The following AKT2 variants were observed in gnomAD, a reference collection of about 807,000 sequenced individuals.
The protein encoded by AKT2 is RAC-beta serine/threonine-protein kinase.
A neutral mutation model predicts 58.6 loss-of-function variants in AKT2; 16 were observed. The observed-to-expected ratio is 0.27, with a 90% CI of 0.18 to 0.41. The LOEUF (loss-of-function observed/expected upper bound fraction) is 0.41. Ranked by LOEUF, AKT2 falls within the 10% of genes least tolerant of loss-of-function variation. The pLI is 1.00. For missense variants in AKT2, 438 were observed against 661.0 expected, an observed-to-expected ratio of 0.66 and a Z score of 3.70; for synonymous variants, 253 against 254.0, an observed-to-expected ratio of 1.00 and a Z score of 0.04.
At chr19:40,240,959 T>G (rs572973389) in intron 6 of AKT2, 2 of 152,464 alleles carry the variant, frequency 1.3e-5, no homozygotes, top group Non-Finnish European at 2.9e-5. Flanking sequence ...GCTAATTTAT[T>G]TTTATTTTTA....
chr19:40,244,265 A>T (rs1158299312), intron 4 of AKT2: 1 of 151,730 alleles, frequency 6.6e-6, no homozygotes, highest in Non-Finnish European at 1.5e-5. Flanking sequence ...CAACATGGAT[A>T]CCCACTTTGT....
intron 1 of AKT2, chr19:40,265,684 C>A: frequency 9.0e-6 from 3 of 332,208 alleles, no homozygotes; most frequent in South Asian, 8.8e-5. Flanking sequence ...GCCCTGCCCT[C>A]CCCGTGTCAT....
chr19:40,271,729 G>C (rs554692865), intron 1 of AKT2, among the ~76,000 whole-genome samples: 124 of 152,210 alleles, frequency 8.1e-4, no homozygotes, highest in Non-Finnish European at 1.5e-3. Context: ...CAACACTAGT[G>C]ACATTTGGGG....
intron 1 of AKT2, among the ~76,000 whole-genome samples, chr19:40,283,481 G>A (rs1238830700): frequency 6.6e-6 from 1 of 152,214 alleles, no homozygotes; most frequent in African/African-American, 2.4e-5. Context: ...AGCCACGGAA[G>A]CCAGTCAGCT....
At chr19:40,276,146 G>A (rs1368364378) in intron 1 of AKT2, among the ~76,000 whole-genome samples, 1 of 151,752 alleles carries the variant, frequency 6.6e-6, no homozygotes, top group Non-Finnish European at 1.5e-5. Context: ...CCCAAGAGGA[G>A]CCAGATCATC....
At chr19:40,244,477 A>G (rs1180586331) in intron 4 of AKT2, 1 of 152,184 alleles carries the variant, frequency 6.6e-6, no homozygotes, top group Non-Finnish European at 1.5e-5. Context: ...AATAAGTGAA[A>G]ATGACCAGAG....
In AKT2 at chr19:40,234,062, G is replaced by T; in HGVS notation, c.1367-111C>A. The T allele has an allele frequency of 9.3e-7, 1 of 1,079,344 alleles. No individual in the cohort carries two copies. The highest frequency in any genetic ancestry group is 1.3e-6 in the Non-Finnish European group (1 of 748,916). 66.9% of individuals were successfully genotyped at this position (1,079,344 alleles called of 1,614,324 possible). A position where few individuals can be genotyped will look rare whatever the true frequency, so the allele number is the denominator to read the frequency against. ...CTGGCGGGGGCTGCCCACAGGACAG[G>T]ACAGGAAAGGCCCATCCCTCCGCAA... On this transcript the variant is annotated intron_variant, in intron 13 of 13. Transcript: ENST00000392038. This position sits in a 1 kb window ranked among gnomAD's most constrained non-coding sequence, Gnocchi z 4.7.
At chr19:40,241,907 G>A (rs1334712233) in intron 6 of AKT2, 31 bp downstream of exon 6, 2 of 1,612,714 alleles carry the variant, frequency 1.2e-6, no homozygotes, top group East Asian at 4.5e-5. Flanking sequence ...CCCCCACAGA[G>A]GCTCGCGAGC....
At chr19:40,254,770 AG>A (rs1233090070) in intron 4 of AKT2, among the ~76,000 whole-genome samples, 1 of 151,966 alleles carries the variant, frequency 6.6e-6, no homozygotes, top group African/African-American at 2.4e-5. Context: ...TGGAGGTTGG[AG>A]GTTGCAGTGA....
intron 4 of AKT2, among the ~76,000 whole-genome samples, chr19:40,249,977 C>T (rs1487020359): frequency 6.6e-6 from 1 of 152,096 alleles, no homozygotes; most frequent in Non-Finnish European, 1.5e-5. Context: ...GGAGGAAGGC[C>T]TTAGACAAAC....
intron 4 of AKT2, among the ~76,000 whole-genome samples, chr19:40,245,329 A>AG (rs1477413818): frequency 1.3e-5 from 2 of 152,230 alleles, no homozygotes; most frequent in Middle Eastern, 3.2e-3. Flanking sequence ...GCTTGAGCCC[A>AG]GGAATTCCAG....
In AKT2 at chr19:40,233,756, G is replaced by T. The variant is rs941861677; in HGVS notation, c.*116C>A. 22 of 1,002,690 alleles carry T rather than the reference G, an allele frequency of 2.2e-5. No homozygotes were observed. Among genetic ancestry groups the T allele is most frequent in the Middle Eastern group, 2.1e-4 (1 of 4,874 alleles). 62.1% of individuals were successfully genotyped at this position (1,002,690 alleles called of 1,614,324 possible). On this transcript the variant is annotated 3_prime_UTR_variant, in exon 14 of 14. Transcript: ENST00000392038. The surrounding 1 kb of genome is among the most constrained non-coding windows in gnomAD (Gnocchi z 4.3). ...AGGGGCCTGAAGAAGAACTGGAAAG[G>T]GGGTGAGGAGGTGGGGGTGGGGACA...
At chr19:40,275,443 C>A in intron 1 of AKT2, 1 of 395,250 alleles carries the variant, frequency 2.5e-6, no homozygotes, top group South Asian at 1.8e-5. Context: ...AAGCACCAGG[C>A]ATGGATTAAT....
chr19:40,246,667 CA>C (rs759648242), intron 4 of AKT2, among the ~76,000 whole-genome samples: 115 of 152,338 alleles, frequency 7.5e-4, no homozygotes, highest in Middle Eastern at 3.4e-3. Flanking sequence ...TTTTCAAAGA[CA>C]GGGGTGGAGA....
Position 40,232,358 on chromosome 19 carries a change from T to C in AKT2, c.*1514A>G, listed in dbSNP as rs1203425675. ...GTCTGAAATGAGTGTCTTTATTGCT[T>C]GTACCGTACAAATATGAAGACGAGG... is the stretch of plus-strand genomic sequence containing the variant. On this transcript the variant is annotated 3_prime_UTR_variant, in exon 14 of 14. Coordinates refer to ENST00000392038, the MANE Select transcript of AKT2 (RefSeq NM_001626.6). 4.3e-6 allele frequency: 1 copy of C among 233,660 alleles called. No homozygotes were observed. Among genetic ancestry groups the C allele is most frequent in the Non-Finnish European group, 8.5e-6 (1 of 118,124 alleles). 14.5% of individuals were successfully genotyped at this position (233,660 alleles called of 1,614,324 possible).
intron 3 of AKT2, among the ~76,000 whole-genome samples, chr19:40,256,311 TG>T (rs2145302020): frequency 6.6e-6 from 1 of 151,972 alleles, no homozygotes; most frequent in South Asian, 2.1e-4. Context: ...GCAGTGGAGA[TG>T]GGGGTGCCTC....
intron 1 of AKT2, chr19:40,282,687 T>A (rs1410635030): frequency 2.7e-6 from 1 of 364,716 alleles, no homozygotes; most frequent in Non-Finnish European, 5.7e-6. Flanking sequence ...AGGGGCTCAG[T>A]GACCTGGGTT....
chr19:40,265,275 G>A lies in AKT2; in HGVS notation c.-8C>T. 6.2e-7 allele frequency: 1 copy of A among 1,612,800 alleles called. No individual in the cohort carries two copies. The highest frequency in any genetic ancestry group is 1.1e-5 in the South Asian group (1 of 90,738). The stretch of plus-strand genomic sequence containing the variant: ...GACAGACACCTCATTCATGGTGGCA[G>A]CGTGGTACGCTGTCACCTAGCTCGG... On this transcript the variant is annotated 5_prime_UTR_variant, in exon 2 of 14. Transcript: ENST00000392038.
intron 6 of AKT2, chr19:40,241,680 A>G (rs1393191049): frequency 1.4e-5 from 7 of 507,296 alleles, no homozygotes; most frequent in Non-Finnish European, 2.5e-5. Context: ...CCTTGACAGT[A>G]CCTGCTGGGT....
Sources: gnomAD v4.1 joint callset for allele counts (sites outside exome capture counted in the v4.1 genomes callset) on GRCh38, gnomAD v4.1.1 for gene constraint, Gnocchi (gnomAD v3.1) non-coding constraint, MANE v1.5 for transcripts, NCBI Gene and HGNC (gene_info 2026-07-23, HGNC 2026-07-21) for gene names.